CAMSAP2: variants seen among roughly 807,000 people sequenced by gnomAD.
The protein encoded by CAMSAP2 is calmodulin regulated spectrin associated protein family member 2.
In CAMSAP2, 26 loss-of-function variants were observed where a neutral mutation model predicts 146.1. The observed-to-expected ratio is 0.18, with a 90% CI of 0.13 to 0.25. The LOEUF (loss-of-function observed/expected upper bound fraction) is 0.25, where lower values mean the gene tolerates loss of function less well. CAMSAP2 is among the 10% of genes least tolerant of loss of function. The probability of loss-of-function intolerance (pLI) is 1.00; values close to 1 mark genes in which losing one functional copy is unlikely to be tolerated. For missense variants in CAMSAP2, 1,381 were observed against 1,759.3 expected (o/e 0.78, Z 3.85); for synonymous variants, 499 against 596.6 (o/e 0.84, Z 2.38).
chr1:200,857,372 A>G lies in CAMSAP2; in HGVS notation c.4079A>G (p.His1360Arg). Reference sequence around the variant, plus strand: ...CACATAATACAAAATGCTTTAGCTCATTGCTGTTTGGCTGGAAAAGTAAAT... The same window carrying G: ...CACATAATACAAAATGCTTTAGCTCGTTGCTGTTTGGCTGGAAAAGTAAAT... ...NKHIIQNALAHCCLAGKVNEG... is the reference protein window; with the variant it reads ...NKHIIQNALARCCLAGKVNEG... Residue 1360 changes from histidine to arginine, a missense_variant, in exon 16 of 17, where the codon CAT (histidine) becomes CGT (arginine). By Grantham distance (29) the His-to-Arg change is conservative (BLOSUM62 0). Coordinates refer to ENST00000358823, the MANE Select transcript of CAMSAP2 (RefSeq NM_203459.4). The surrounding 1 kb of genome is among the most constrained non-coding windows in gnomAD (Gnocchi z 4.7). 1 of 1,613,490 alleles carries G rather than the reference A, an allele frequency of 6.2e-7. No individual in the cohort carries two copies. Among genetic ancestry groups the G allele is most frequent in the Non-Finnish European group, 8.5e-7 (1 of 1,179,554 alleles).
intron 2 of CAMSAP2, 35 bp from the exon 3 acceptor site, chr1:200,807,341 T>C: frequency 7.1e-7 from 1 of 1,409,214 alleles, no homozygotes; most frequent in South Asian, 1.8e-5. Flanking sequence ...CTAAATATAA[T>C]TTTTAAACTA....
intron 2 of CAMSAP2, among the ~76,000 whole-genome samples, chr1:200,763,815 C>T (rs1664865932): frequency 6.6e-6 from 1 of 152,120 alleles, no homozygotes; most frequent in Non-Finnish European, 1.5e-5. Context: ...GTGGCTCGCG[C>T]CTGTAATCCC....
chr1:200,825,970 G>A (rs1364742314), intron 4 of CAMSAP2, among the ~76,000 whole-genome samples: 1 of 152,164 alleles, frequency 6.6e-6, no homozygotes, highest in Non-Finnish European at 1.5e-5. Flanking sequence ...TTTTGGATAT[G>A]TATTTTCAAG....
intron 2 of CAMSAP2, among the ~76,000 whole-genome samples, chr1:200,768,727 C>T (rs1044003254): frequency 2.0e-5 from 3 of 152,114 alleles, no homozygotes; most frequent in African/African-American, 7.2e-5. Flanking sequence ...GATCTCGGCT[C>T]ACTGCAACCT....
intron 8 of CAMSAP2, among the ~76,000 whole-genome samples, chr1:200,846,912 C>T (rs540460616): frequency 6.6e-6 from 1 of 152,046 alleles, no homozygotes. Context: ...TGGTGAGTTT[C>T]ATTTTACTTT....
Position 200,842,096 on chromosome 1 carries a change from T to A in CAMSAP2, c.1021+9T>A, listed in dbSNP as rs1667337378. 6.2e-7 allele frequency: 1 copy of A among 1,602,790 alleles called. No individual in the cohort carries two copies. Among genetic ancestry groups the A allele is most frequent in the Non-Finnish European group, 8.5e-7 (1 of 1,169,912 alleles). ...TGTTCGTCCACAAGGAGGTAATCAA[T>A]CTTTTTAATTTTAAATGTTCCTATG... On this transcript the variant is annotated intron_variant, in intron 7 of 16. Transcript: ENST00000358823.
At position 200,760,933 on chromosome 1, in the gene CAMSAP2, T is replaced by C. The variant is rs768588961; in HGVS notation, c.234T>C (p.Ala78=). ...CTGTTGTTAATTTGCTTCTATCGGCTGAACTATACTGTCGTGCTGGGAGTC... is the reference window on the plus strand; with the variant it reads ...CTGTTGTTAATTTGCTTCTATCGGCCGAACTATACTGTCGTGCTGGGAGTC... ...KPPVVNLLLS[A]ELYCRAGSLI... is the part of the protein sequence containing the mutation. The change falls in exon 2 of 17, where the codon GCT becomes GCC. Residue 78 remains alanine, a synonymous_variant. Transcript: ENST00000358823. 1 of 1,614,192 alleles carries C rather than the reference T, an allele frequency of 6.2e-7. No homozygotes were observed. The highest frequency in any genetic ancestry group is 1.7e-5 in the Admixed American group (1 of 60,016).
intron 2 of CAMSAP2, among the ~76,000 whole-genome samples, chr1:200,774,049 A>T (rs1571739650): frequency 6.6e-6 from 1 of 152,232 alleles, no homozygotes; most frequent in Admixed American, 6.5e-5. Flanking sequence ...GCTATAGAAC[A>T]GTGGACAGTC....
chr1:200,786,487 G>T (rs982706232), intron 2 of CAMSAP2, among the ~76,000 whole-genome samples: 1 of 151,724 alleles, frequency 6.6e-6, no homozygotes, highest in Non-Finnish European at 1.5e-5. Context: ...GGGTTCAAGC[G>T]TTTCTCCATC....
rs1356932527 is a variant in CAMSAP2, at chr1:200,853,666, G to A, written c.3823+171G>A. On this transcript the variant is annotated intron_variant, in intron 13 of 16. Transcript: ENST00000358823. This position sits in a 1 kb window ranked among gnomAD's most constrained non-coding sequence, Gnocchi z 5.1. ...AAATGAAGTTTTTAATAAATTAAAT[G>A]TATTATGTGTGCATGCATATATTCA... Among the ~76,000 whole-genome samples, 1 of 152,208 alleles carries A rather than the reference G, an allele frequency of 6.6e-6. No individual in the cohort carries two copies. Among genetic ancestry groups the A allele is most frequent in the African/African-American group, 2.4e-5 (1 of 41,460 alleles).
At chr1:200,854,953 C>CT (rs756758607) in intron 14 of CAMSAP2, 64 bp downstream of exon 14, 8 of 1,193,644 alleles carry the variant, frequency 6.7e-6, no homozygotes, top group Non-Finnish European at 8.3e-6. Flanking sequence ...TATACAAACT[C>CT]TAAGTAAAAA....
chr1:200,833,877 T>G (rs1571812571), intron 6 of CAMSAP2, among the ~76,000 whole-genome samples: 1 of 152,176 alleles, frequency 6.6e-6, no homozygotes, highest in East Asian at 1.9e-4. Context: ...TTAGTTTGTT[T>G]ATTCTCACTA....
At chr1:200,787,859 C>T (rs1052062421) in intron 2 of CAMSAP2, among the ~76,000 whole-genome samples, 2 of 152,202 alleles carry the variant, frequency 1.3e-5, no homozygotes, top group Non-Finnish European at 2.9e-5. Context: ...AACCAAGACC[C>T]TCCACCATCA....
chr1:200,778,546 C>T (rs1665345436), intron 2 of CAMSAP2, among the ~76,000 whole-genome samples: 1 of 152,060 alleles, frequency 6.6e-6, no homozygotes, highest in Admixed American at 6.5e-5. Context: ...TTTCAGTTAA[C>T]CAGTGATCAT....
chr1:200,802,077 G>A (rs1398239473), intron 2 of CAMSAP2, among the ~76,000 whole-genome samples: 3 of 152,090 alleles, frequency 2.0e-5, no homozygotes, highest in African/African-American at 7.2e-5. Context: ...ACTAAATTCT[G>A]TTTTAAACCA....
chr1:200,802,586 T>C (rs1442207352), intron 2 of CAMSAP2, among the ~76,000 whole-genome samples: 1 of 152,204 alleles, frequency 6.6e-6, no homozygotes, highest in East Asian at 1.9e-4. Context: ...TTGATTAAAG[T>C]ATTTATTTCC....
chr1:200,752,226 T>C (rs1339116768), intron 1 of CAMSAP2, among the ~76,000 whole-genome samples: 1 of 152,248 alleles, frequency 6.6e-6, no homozygotes, highest in Admixed American at 6.5e-5. Flanking sequence ...AAAAGAATTA[T>C]ATTATTTTTA....
chr1:200,809,579 AC>A (rs1480502725), intron 3 of CAMSAP2, among the ~76,000 whole-genome samples: 2 of 152,106 alleles, frequency 1.3e-5, no homozygotes, highest in African/African-American at 4.8e-5. Context: ...AAAAATACAA[AC>A]ATTAGCTGAG....
rs1168413996 is a variant in CAMSAP2, at chr1:200,858,119, C to T, written c.*60C>T. 2.9e-6 allele frequency: 4 copies of T among 1,400,890 alleles called. No homozygotes were observed. Among genetic ancestry groups the T allele is most frequent in the Non-Finnish European group, 3.9e-6 (4 of 1,038,002 alleles). The allele number at this position is 1,400,890 out of a possible 1,614,324, so 86.8% of individuals were successfully genotyped here. On this transcript the variant is annotated 3_prime_UTR_variant, in exon 17 of 17. Transcript: ENST00000358823. The stretch of plus-strand genomic sequence containing the variant: ...TAAATTTGCACTTCATCTTTCCTGC[C>T]TATAGAAAATCTTTCTAATTGCCAA...
Sources: allele counts gnomAD v4.1 joint callset (sites outside exome capture counted in the v4.1 genomes callset), GRCh38; gene constraint gnomAD v4.1.1; non-coding constraint Gnocchi (gnomAD v3.1); transcripts MANE v1.5; gene names NCBI Gene and HGNC (gene_info 2026-07-23, HGNC 2026-07-21).